SUN1: variants seen among roughly 807,000 people sequenced by gnomAD.
SUN1 encodes Sad1 and UNC84 domain containing 1.
In SUN1, 61 loss-of-function variants were observed where a neutral mutation model predicts 103.2. The ratio of observed to expected loss-of-function variants is 0.59; its 90% CI spans 0.48 to 0.73. The LOEUF is 0.73. Ranked by LOEUF, SUN1 falls within the 30% of genes least tolerant of loss-of-function variation. The pLI is 0.00. For synonymous variants in SUN1, 490 were observed against 425.7 expected (o/e 1.15, Z -1.86); for missense variants, 1,052 against 1,034.6 (o/e 1.02, Z -0.23).
upstream of SUN1, chr7:816,236 G>GTGCAGATCCCTCCCCCAGA: frequency 3.6e-5 from 3 of 83,122 alleles, no homozygotes; most frequent in African/African-American, 1.8e-4. Context: ...CCTCCCCCAG[G>GTGCAGATCCCTCCCCCAGA]TGCAGATCCC....
At chr7:818,318 A>G (rs1782791722) in intron 1 of SUN1, among the ~76,000 whole-genome samples, 1 of 152,198 alleles carries the variant, frequency 6.6e-6, no homozygotes, top group African/African-American at 2.4e-5. Context: ...GGCCTCTTTC[A>G]CTTAAGATAA....
chr7:822,431 G>A (rs1787106939), intron 1 of SUN1, among the ~76,000 whole-genome samples: 1 of 152,216 alleles, frequency 6.6e-6, no homozygotes. Flanking sequence ...CAAGCAGCGT[G>A]GATGTCATCA....
intron 10 of SUN1, among the ~76,000 whole-genome samples, chr7:854,465 G>A (rs1444614563): frequency 1.3e-5 from 2 of 152,272 alleles, no homozygotes; most frequent in African/African-American, 4.8e-5. Context: ...CATCTCAGGT[G>A]CTCAGTAGCC....
intron 16 of SUN1, among the ~76,000 whole-genome samples, chr7:867,842 G>T (rs377642070): frequency 2.0e-5 from 3 of 152,230 alleles, no homozygotes; most frequent in South Asian, 2.1e-4. Flanking sequence ...CGTCAGGGAG[G>T]TTGCTGTGGT....
chr7:865,979 C>G lies in SUN1; in HGVS notation c.1892C>G (p.Ser631Cys). The G allele has an allele frequency of 1.2e-6, 2 of 1,614,122 alleles. No individual in the cohort carries two copies. Among genetic ancestry groups the G allele is most frequent in the Non-Finnish European group, 1.7e-6 (2 of 1,180,004 alleles). Residue 631 changes from serine to cysteine, a missense_variant, in exon 16 of 19, where the codon TCT becomes TGT. Transcript: ENST00000401592. ...GGGSILSTRCSETYETKTALM... is the reference protein window; with the variant it reads ...GGGSILSTRCCETYETKTALM... ...GGCAGCATCTTGAGTACTCGCTGTT[C>G]TGAAACTTACGAAACCAAAACGGCG...
In SUN1 at chr7:857,884, A is replaced by G. The variant is rs745689551; in HGVS notation, c.1451A>G (p.Gln484Arg). ...TVEHLQLELD[Q>R]LKSELSSWRH... ...GAGCACCTCCAGCTGGAGCTGGATC[A>G]GCTAAAGTCAGAGCTGTCCAGCTGG... Residue 484 changes from glutamine (Q) to arginine (R), a missense_variant, in exon 13 of 19, where the codon CAG becomes CGG. This residue lies in a region of SUN1 where 846 missense variants were observed against 774.5 expected (regional missense o/e 1.09). Transcript: ENST00000401592. 2 of 1,601,112 alleles carry G rather than the reference A, an allele frequency of 1.2e-6. No individual in the cohort carries two copies. Among genetic ancestry groups the G allele is most frequent in the Admixed American group, 1.7e-5 (1 of 59,502 alleles).
chr7:824,092 A>G (rs894782151), intron 1 of SUN1, among the ~76,000 whole-genome samples: 2 of 152,236 alleles, frequency 1.3e-5, no homozygotes, highest in African/African-American at 2.4e-5. Context: ...GGTGTGGCCA[A>G]AGTCACCTGG....
upstream of SUN1, among the ~76,000 whole-genome samples, chr7:829,548 G>GTTTTTT (rs59608102): frequency 4.2e-5 from 6 of 143,826 alleles, no homozygotes; most frequent in Non-Finnish European, 7.5e-5. Flanking sequence ...AAAATAACTG[G>GTTTTTT]TTTTTTTTTT....
chr7:826,152 A>G (rs1467097590), intron 1 of SUN1, among the ~76,000 whole-genome samples: 1 of 152,164 alleles, frequency 6.6e-6, no homozygotes, highest in Non-Finnish European at 1.5e-5. Context: ...GCTTGAGCCC[A>G]GGAGATGGAG....
intron 16 of SUN1, chr7:868,984 GA>G (rs1189808570): frequency 3.0e-6 from 1 of 331,320 alleles, no homozygotes; most frequent in African/African-American, 2.2e-5. Flanking sequence ...GTGTTGGTCG[GA>G]TGGGGGGACA....
intron 1 of SUN1, among the ~76,000 whole-genome samples, chr7:824,822 TG>T (rs1789889585): frequency 1.4e-5 from 2 of 145,170 alleles, no homozygotes; most frequent in Non-Finnish European, 3.0e-5. Flanking sequence ...TTGCTGCTGA[TG>T]GGGTGTGCTG....
Position 852,659 on chromosome 7 carries a change from T to C in SUN1, c.902T>C (p.Leu301Pro). Residue 301 changes from leucine (L) to proline (P), a missense_variant, in exon 8 of 19, where the codon CTT becomes CCT. Coordinates refer to ENST00000401592, the MANE Select transcript of SUN1 (RefSeq NM_001130965.3). ...TTAGTCTTGCTCATCCCACTCTTCCTTTTACTAGGTAAGTCAAATCTGGCT... is the reference window on the plus strand; with the variant it reads ...TTAGTCTTGCTCATCCCACTCTTCCCTTTACTAGGTAAGTCAAATCTGGCT... Reference protein sequence around the residue: ...KFLVLLIPLFLLLAGLSLRGQ... With the variant: ...KFLVLLIPLFPLLAGLSLRGQ... 6.2e-7 allele frequency: 1 copy of C among 1,614,214 alleles called. No individual in the cohort carries two copies.
intron 1 of SUN1, among the ~76,000 whole-genome samples, chr7:826,288 T>C (rs1791776278): frequency 1.9e-4 from 3 of 15,786 alleles, no homozygotes; most frequent in South Asian, 3.4e-3. Context: ...TCAGGCTAGC[T>C]GCCGTTTGAC....
chr7:829,589 C>T (rs906049169), upstream of SUN1, among the ~76,000 whole-genome samples: 1 of 148,406 alleles, frequency 6.7e-6, no homozygotes, highest in Admixed American at 6.8e-5. Flanking sequence ...GAGTCTCGCT[C>T]TGTCGCCCAG....
chr7:841,734 G>A (rs770403886), intron 2 of SUN1: 3 of 544,780 alleles, frequency 5.5e-6, no homozygotes, highest in South Asian at 2.2e-5. Flanking sequence ...AAACTATTTT[G>A]TGTTTACAAT....
intron 11 of SUN1, among the ~76,000 whole-genome samples, chr7:855,596 G>A (rs772955986): frequency 1.3e-5 from 2 of 152,194 alleles, no homozygotes; most frequent in Non-Finnish European, 2.9e-5. Flanking sequence ...TGAGCCTAAG[G>A]GTTGTATGTA....
At position 860,184 on chromosome 7, in the gene SUN1, C is replaced by G. The variant is rs754734588; in HGVS notation, c.1581C>G (p.Gly527=). ...TCCTGTTTTCCGAAGATCAGCAAGG[C>G]GGTTCTCTGGAACAGCTGCTGCAGA... ...VKLLFSEDQQ[G]GSLEQLLQRF... is the part of the protein sequence containing the mutation. The change falls in exon 14 of 19, where the codon GGC becomes GGG. Residue 527 remains glycine (G), a synonymous_variant. Transcript: ENST00000401592. 6.2e-7 allele frequency: 1 copy of G among 1,614,218 alleles called. No individual in the cohort carries two copies. The highest frequency in any genetic ancestry group is 1.7e-5 in the Admixed American group (1 of 60,018).
At chr7:849,135 T>C (rs117043380) in intron 5 of SUN1, among the ~76,000 whole-genome samples, 40 of 152,316 alleles carry the variant, frequency 2.6e-4, no homozygotes, top group Non-Finnish European at 4.6e-4. Context: ...GCATTTTTAC[T>C]AAAGTAGACA....
At chr7:846,052 A>G (rs531200858) in intron 5 of SUN1, among the ~76,000 whole-genome samples, 29 of 151,960 alleles carry the variant, frequency 1.9e-4, no homozygotes, top group African/African-American at 6.8e-4. Flanking sequence ...ATCTCTTTTC[A>G]TTTTGTATGT....
Sources: allele counts gnomAD v4.1 joint callset (sites outside exome capture counted in the v4.1 genomes callset), GRCh38; gene constraint gnomAD v4.1.1; regional missense constraint gnomAD v4.1.1; transcripts MANE v1.5; gene names NCBI Gene and HGNC (gene_info 2026-07-23, HGNC 2026-07-21).